Variants in PCMTD1 observed in about 807,000 individuals in gnomAD.
The protein encoded by PCMTD1 is protein-L-isoaspartate O-methyltransferase domain-containing protein 1.
In PCMTD1, 12 loss-of-function variants were observed where a neutral mutation model predicts 37.6. That is an observed-to-expected ratio of 0.32 (90% CI 0.20 to 0.52). The LOEUF (loss-of-function observed/expected upper bound fraction) is 0.52. PCMTD1 is among the 20% of genes least tolerant of loss of function. The pLI is 0.97. For synonymous variants in PCMTD1, 117 were observed against 135.8 expected (o/e 0.86, Z 0.96); for missense variants, 235 against 421.3 (o/e 0.56, Z 3.87).
chr8:51,864,402 A>G (rs1410034368), intron 1 of PCMTD1, among the ~76,000 whole-genome samples: 8 of 152,336 alleles, frequency 5.3e-5, no homozygotes, highest in African/African-American at 1.7e-4. Context: ...ATGGACCTAA[A>G]AGACATATAG....
chr8:51,829,099 A>C (rs922514118), intron 5 of PCMTD1, among the ~76,000 whole-genome samples: 6 of 152,204 alleles, frequency 3.9e-5, no homozygotes, highest in African/African-American at 1.4e-4. Context: ...AAAGGTTGAA[A>C]ATTTTTTAGA....
intron 1 of PCMTD1, among the ~76,000 whole-genome samples, chr8:51,893,478 CTAAAG>C (rs2038962217): frequency 6.6e-6 from 1 of 152,240 alleles, no homozygotes; most frequent in Admixed American, 6.5e-5. Flanking sequence ...GAAAACAATA[CTAAAG>C]TATAGACAGA....
chr8:51,865,423 C>T (rs1455326940), intron 1 of PCMTD1, among the ~76,000 whole-genome samples: 1 of 152,036 alleles, frequency 6.6e-6, no homozygotes, highest in Non-Finnish European at 1.5e-5. Flanking sequence ...TGCAAAAATC[C>T]TTAACAAAAT....
chr8:51,827,402 A>C, intron 5 of PCMTD1: 1 of 617,186 alleles, frequency 1.6e-6, no homozygotes, highest in Non-Finnish European at 2.7e-6. Flanking sequence ...TAAGCAATTC[A>C]TATGTTTTAA....
In PCMTD1 at chr8:51,825,413, G is replaced by GCAACCAACAAGCATACGAAAAT. The variant is rs1563334736; in HGVS notation, c.707-4696_707-4695insATTTTCGTATGCTTGTTGGTTG. Among the ~76,000 whole-genome samples, 168 of 70,938 alleles carry GCAACCAACAAGCATACGAAAAT rather than the reference G, an allele frequency of 2.4e-3. 9 individuals carry two copies. The highest frequency in any genetic ancestry group is 4.1e-3 in the South Asian group (7 of 1,696). 46.5% of individuals were successfully genotyped at this position (70,938 alleles called of 152,430 possible). On this transcript the variant is annotated intron_variant, in intron 5 of 5. Transcript: ENST00000522514. Reference sequence around the variant, plus strand: ...ACACTTCTCAAAATAAGATATTTATGGCCGGGCGCGGTGGCTCACGCCTGT... The same window carrying GCAACCAACAAGCATACGAAAAT: ...ACACTTCTCAAAATAAGATATTTATGCAACCAACAAGCATACGAAAATGCCGGGCGCGGTGGCTCACGCCTGT...
chr8:51,868,113 A>G (rs897538200), intron 1 of PCMTD1, among the ~76,000 whole-genome samples: 5 of 152,170 alleles, frequency 3.3e-5, no homozygotes, highest in African/African-American at 1.2e-4. Context: ...ATTCTTTGCT[A>G]AAGATTAAAT....
intron 1 of PCMTD1, among the ~76,000 whole-genome samples, chr8:51,888,468 C>CACA (rs2038894105): frequency 6.6e-6 from 1 of 151,950 alleles, no homozygotes; most frequent in African/African-American, 2.4e-5. Context: ...GTAATGCTCC[C>CACA]ACAGTAGAAG....
At chr8:51,899,172 G>A (rs909163409), upstream of PCMTD1, 5 of 1,302,914 alleles carry the variant, frequency 3.8e-6, no homozygotes, top group South Asian at 1.9e-5. Context: ...ACAAGGCCGG[G>A]AGACGCCCCC....
chr8:51,851,054 C>T (rs545968138), intron 2 of PCMTD1, among the ~76,000 whole-genome samples: 4 of 152,230 alleles, frequency 2.6e-5, no homozygotes, highest in East Asian at 1.9e-4. Context: ...TAATATATTC[C>T]GAACACTTAT....
chr8:51,898,772 CCCCGACCTG>C (rs983587776), intron 1 of PCMTD1, among the ~76,000 whole-genome samples, 149 bp downstream of exon 1: 1 of 151,744 alleles, frequency 6.6e-6, no homozygotes, highest in African/African-American at 2.4e-5. Flanking sequence ...GTTTCCTGGC[CCCCGACCTG>C]CCCGCCCTTA....
intron 1 of PCMTD1, among the ~76,000 whole-genome samples, chr8:51,890,905 T>C (rs1038121028): frequency 2.6e-5 from 4 of 152,230 alleles, no homozygotes; most frequent in Non-Finnish European, 1.5e-5. Context: ...CAGGATTACA[T>C]GGCAGAAGGA....
chr8:51,820,756 A>G, intron 5 of PCMTD1, 38 bp from the exon 6 acceptor site: 2 of 1,509,114 alleles, frequency 1.3e-6, no homozygotes, highest in Non-Finnish European at 1.8e-6. Context: ...GAAAATATTA[A>G]CAATAAAACA....
At chr8:51,855,620 A>C (rs947016590) in intron 2 of PCMTD1, among the ~76,000 whole-genome samples, 1 of 152,028 alleles carries the variant, frequency 6.6e-6, no homozygotes, top group African/African-American at 2.4e-5. Flanking sequence ...TTGATGCATA[A>C]AACAGAGTAT....
chr8:51,877,170 C>T lies in PCMTD1; in HGVS notation c.-95-15924G>A, dbSNP rs567272489. ...TTTTTTACTTTTTGTAGAAAGCGTACACTCGCCGGCAGTTTTGCCATGAGA... is the reference window on the plus strand; with the variant it reads ...TTTTTTACTTTTTGTAGAAAGCGTATACTCGCCGGCAGTTTTGCCATGAGA... On this transcript the variant is annotated intron_variant, in intron 1 of 5. Transcript: ENST00000522514. Among the ~76,000 whole-genome samples, 30 of 152,266 alleles carry T rather than the reference C, an allele frequency of 2.0e-4. No homozygotes were observed. The South Asian group carries it at 5.6e-3, about 28-fold the overall frequency.
At chr8:51,828,611 T>C (rs2037955499) in intron 5 of PCMTD1, among the ~76,000 whole-genome samples, 1 of 152,234 alleles carries the variant, frequency 6.6e-6, no homozygotes, top group African/African-American at 2.4e-5. Flanking sequence ...CCATCCTAAG[T>C]TGGGGACCAT....
At chr8:51,854,778 G>A (rs2038358448) in intron 2 of PCMTD1, among the ~76,000 whole-genome samples, 2 of 152,076 alleles carry the variant, frequency 1.3e-5, no homozygotes, top group Admixed American at 6.5e-5. Flanking sequence ...TTGGGAGGAT[G>A]AGGTAGGAGA....
chr8:51,838,338 A>G (rs948692556), intron 3 of PCMTD1, among the ~76,000 whole-genome samples: 1 of 151,732 alleles, frequency 6.6e-6, no homozygotes, highest in South Asian at 2.1e-4. Flanking sequence ...TTTTTTTTTA[A>G]ATCAGTTAGG....
chr8:51,894,616 T>G (rs893243364), intron 1 of PCMTD1, among the ~76,000 whole-genome samples: 2 of 152,216 alleles, frequency 1.3e-5, no homozygotes, highest in African/African-American at 4.8e-5. Flanking sequence ...GGGTTTGTTT[T>G]GTTTGCTTGT....
In PCMTD1 at chr8:51,861,154, T is replaced by G; in HGVS notation, c.-3A>C. The G allele has an allele frequency of 6.3e-7, 1 of 1,598,062 alleles. No individual in the cohort carries two copies. ...CCAGCACTCACAGCTCCTCCCATGA[T>G]AGTATTCAAATCAAATCATAAATTT... On this transcript the variant is annotated 5_prime_UTR_variant, in exon 2 of 6. Coordinates refer to ENST00000522514, the MANE Select transcript of PCMTD1 (RefSeq NM_052937.4).
Sources: gnomAD v4.1 joint callset for allele counts (sites outside exome capture counted in the v4.1 genomes callset) on GRCh38, gnomAD v4.1.1 for gene constraint, MANE v1.5 for transcripts, NCBI Gene and HGNC (gene_info 2026-07-23, HGNC 2026-07-21) for gene names.